Variants in PIK3R3 observed in about 807,000 individuals in gnomAD.
PIK3R3 encodes the protein phosphoinositide-3-kinase regulatory subunit 3, also known as phosphatidylinositol 3-kinase regulatory subunit gamma.
A neutral mutation model predicts 62.9 loss-of-function variants in PIK3R3; 64 were observed. The observed-to-expected ratio is 1.02, with a 90% CI of 0.83 to 1.25. The LOEUF (loss-of-function observed/expected upper bound fraction) is 1.25, where lower values mean the gene tolerates loss of function less well. Ranked by LOEUF, PIK3R3 falls within the 50% of genes most tolerant of loss-of-function variation. The pLI, the probability that PIK3R3 is intolerant of heterozygous loss-of-function variation, is 0.00. For missense variants in PIK3R3, 614 were observed against 561.6 expected (o/e 1.09, Z -0.94); for synonymous variants, 165 against 189.0 (o/e 0.87, Z 1.04).
At chr1:46,135,447 A>C (rs1655894389), upstream of PIK3R3, among the ~76,000 whole-genome samples, 1 of 152,228 alleles carries the variant, frequency 6.6e-6, no homozygotes, top group South Asian at 2.1e-4. Flanking sequence ...TGAAACACTT[A>C]GAATGAAAAA....
At chr1:46,133,024 G>A, upstream of PIK3R3, 1 of 1,029,750 alleles carries the variant, frequency 9.7e-7, no homozygotes, top group Non-Finnish European at 1.2e-6. Flanking sequence ...GTGGTGATTG[G>A]CTGAGGCCGG....
intron 3 of PIK3R3, among the ~76,000 whole-genome samples, chr1:46,076,399 T>C (rs1010050277): frequency 2.6e-5 from 4 of 152,204 alleles, no homozygotes; most frequent in Admixed American, 6.5e-5. Flanking sequence ...GAAGTGTCTA[T>C]GACCAATGCT....
chr1:46,134,205 C>A (rs935800028), upstream of PIK3R3, among the ~76,000 whole-genome samples: 3 of 152,172 alleles, frequency 2.0e-5, no homozygotes, highest in African/African-American at 7.2e-5. Flanking sequence ...TAAGCCCTAG[C>A]AAAACCTCCT....
Position 46,131,984 on chromosome 1 carries a change from T to C in PIK3R3, c.-32A>G, listed in dbSNP as rs370956606. 29 of 1,597,254 alleles carry C rather than the reference T, an allele frequency of 1.8e-5. No individual in the cohort carries two copies. The highest frequency in any genetic ancestry group is 1.7e-4 in the Middle Eastern group (1 of 5,988). ...GTCAGGGGCAGGTCGCCAGGAGATA[T>C]ATAGAAGGCATATATTTTTTATCTG... On this transcript the variant is annotated 5_prime_UTR_variant, in exon 1 of 10. The change creates a new upstream start codon in the 5' untranslated region. Transcript: ENST00000262741.
intron 1 of PIK3R3, among the ~76,000 whole-genome samples, chr1:46,091,719 C>T (rs1342422184): frequency 2.0e-5 from 3 of 152,114 alleles, no homozygotes; most frequent in African/African-American, 4.8e-5. Flanking sequence ...ATAATCATCC[C>T]TCAGTATCCT....
In PIK3R3 at chr1:46,065,603, T is replaced by C. The variant is rs74509391; in HGVS notation, c.621+451A>G. Among the ~76,000 whole-genome samples, 83 of 152,326 alleles carry C rather than the reference T, an allele frequency of 5.4e-4. No homozygotes were observed. In the East Asian group the frequency reaches 0.013, roughly 24 times the overall value. On this transcript the variant is annotated intron_variant, in intron 5 of 9. Transcript: ENST00000262741. Reference sequence around the variant, plus strand: ...AAAAGTGAAAGCAGAGTGTGCTCCTTCTAGGAAGTTGTCTTAAAGATAGAG... The same window carrying C: ...AAAAGTGAAAGCAGAGTGTGCTCCTCCTAGGAAGTTGTCTTAAAGATAGAG...
upstream of PIK3R3, among the ~76,000 whole-genome samples, chr1:46,134,934 A>G (rs1020265984): frequency 6.6e-6 from 1 of 152,246 alleles, no homozygotes; most frequent in East Asian, 1.9e-4. Context: ...GCTGTGATTC[A>G]GTCTTTCCAC....
chr1:46,099,671 T>C (rs1652472804), intron 1 of PIK3R3, among the ~76,000 whole-genome samples: 2 of 152,236 alleles, frequency 1.3e-5, no homozygotes, highest in African/African-American at 4.8e-5. Flanking sequence ...CAGCTGCTTG[T>C]AGTTTTCTGC....
intron 3 of PIK3R3, among the ~76,000 whole-genome samples, chr1:46,071,265 A>AT (rs1354098447): frequency 6.6e-6 from 1 of 151,900 alleles, no homozygotes; most frequent in East Asian, 1.9e-4. Context: ...AATTTTATAT[A>AT]TTTTTTTCCA....
At chr1:46,104,925 C>CAAAAAAAAAAAAAAAAAAA in intron 1 of PIK3R3, 1 of 192,016 alleles carries the variant, frequency 5.2e-6, no homozygotes, top group Middle Eastern at 1.8e-3. Context: ...AAGACTCCAT[C>CAAAAAAAAAAAAAAAAAAA]AAAAAAAAAA....
chr1:46,150,751 A>G, the PIK3R3 span, among the ~76,000 whole-genome samples: 1 of 151,210 alleles, frequency 6.6e-6, no homozygotes, highest in African/African-American at 2.4e-5. Flanking sequence ...CCACACCTGG[A>G]TAAGGATAAA....
At chr1:46,072,660 G>T (rs1318044531) in intron 3 of PIK3R3, among the ~76,000 whole-genome samples, 1 of 152,174 alleles carries the variant, frequency 6.6e-6, no homozygotes, top group Non-Finnish European at 1.5e-5. Context: ...TATTAAATAA[G>T]TATTTATAAG....
chr1:46,150,737 G>A, the PIK3R3 span, among the ~76,000 whole-genome samples: 1 of 151,610 alleles, frequency 6.6e-6, no homozygotes, highest in Non-Finnish European at 1.5e-5. Context: ...TTTTGCTGTG[G>A]CTTCCACACC....
upstream of PIK3R3, chr1:46,132,815 C>T: frequency 1.6e-6 from 2 of 1,225,994 alleles, no homozygotes; most frequent in Non-Finnish European, 1.0e-6. Context: ...AGAACATGTT[C>T]AAAAAGCTGC....
intron 1 of PIK3R3, among the ~76,000 whole-genome samples, chr1:46,126,233 T>C (rs1655084858): frequency 6.6e-6 from 1 of 152,052 alleles, no homozygotes; most frequent in Non-Finnish European, 1.5e-5. Flanking sequence ...GCAGCAGAGA[T>C]GAGAATTTAA....
intron 1 of PIK3R3, among the ~76,000 whole-genome samples, chr1:46,092,335 C>A (rs1289654153): frequency 6.6e-6 from 1 of 152,190 alleles, no homozygotes; most frequent in Non-Finnish European, 1.5e-5. Context: ...CCTAACCTCA[C>A]AAACGTACTC....
chr1:46,133,591 C>T (rs528515939), upstream of PIK3R3, among the ~76,000 whole-genome samples: 20 of 152,336 alleles, frequency 1.3e-4, no homozygotes, highest in African/African-American at 4.6e-4. Flanking sequence ...CACCTTACCA[C>T]TCAGGGAGAG....
chr1:46,117,766 G>GAGAA (rs751131763), intron 1 of PIK3R3, among the ~76,000 whole-genome samples: 9 of 150,432 alleles, frequency 6.0e-5, no homozygotes, highest in Non-Finnish European at 1.0e-4. Flanking sequence ...AAGAAAGAAA[G>GAGAA]AGAAAGAAAG....
intron 1 of PIK3R3, among the ~76,000 whole-genome samples, chr1:46,101,856 C>G (rs1464795671): frequency 6.6e-6 from 1 of 151,776 alleles, no homozygotes; most frequent in Non-Finnish European, 1.5e-5. Flanking sequence ...CTGCACAACA[C>G]TGTAAAAGTA....
Sources: gnomAD v4.1 joint callset for allele counts (sites outside exome capture counted in the v4.1 genomes callset) on GRCh38, gnomAD v4.1.1 for gene constraint, MANE v1.5 for transcripts, NCBI Gene and HGNC (gene_info 2026-07-23, HGNC 2026-07-21) for gene names.